Variants in CDC73 observed in about 807,000 individuals in gnomAD.
The protein encoded by CDC73 is parafibromin.
A neutral mutation model predicts 83.7 loss-of-function variants in CDC73; 21 were observed. The observed-to-expected ratio is 0.25, with a 90% confidence interval of 0.18 to 0.36. The LOEUF (loss-of-function observed/expected upper bound fraction) is 0.36, where lower values mean the gene tolerates loss of function less well. Among genes scored for constraint, CDC73 ranks in the 10% least tolerant of loss-of-function variants. The pLI is 1.00. For synonymous variants in CDC73, 224 were observed against 212.9 expected, an observed-to-expected ratio of 1.05 and a Z score of -0.45; for missense variants, 342 against 653.3, an observed-to-expected ratio of 0.52 and a Z score of 5.19.
chr1:193,176,557 A>T (rs1409919716), intron 10 of CDC73, among the ~76,000 whole-genome samples: 1 of 152,212 alleles, frequency 6.6e-6, no homozygotes, highest in South Asian at 2.1e-4. Flanking sequence ...TGGGTTTTCT[A>T]TCCCATTTTA....
At chr1:193,141,707 A>T in intron 6 of CDC73, 143 bp from the exon 7 acceptor site, 1 of 632,546 alleles carries the variant, frequency 1.6e-6, no homozygotes, top group Non-Finnish European at 2.8e-6. Context: ...ATTGCAGAAT[A>T]GCAAGTCAGT....
intron 13 of CDC73, among the ~76,000 whole-genome samples, chr1:193,230,563 T>A (rs1677646712): frequency 6.8e-6 from 1 of 146,436 alleles, no homozygotes; most frequent in Non-Finnish European, 1.5e-5. Context: ...TTGCCTGAGA[T>A]ACATATGAAA....
At chr1:193,145,679 G>A (rs1675987804) in intron 7 of CDC73, among the ~76,000 whole-genome samples, 2 of 152,074 alleles carry the variant, frequency 1.3e-5, no homozygotes, top group East Asian at 3.9e-4. Flanking sequence ...GCTCTTTGGG[G>A]TGCTCAGTAA....
chr1:193,194,959 G>C (rs1676977611), intron 10 of CDC73, among the ~76,000 whole-genome samples: 1 of 151,960 alleles, frequency 6.6e-6, no homozygotes, highest in African/African-American at 2.4e-5. Flanking sequence ...TATAGATTTA[G>C]TATATTAGTT....
At chr1:193,184,006 T>G (rs1189243886) in intron 10 of CDC73, among the ~76,000 whole-genome samples, 1 of 151,882 alleles carries the variant, frequency 6.6e-6, no homozygotes, top group Non-Finnish European at 1.5e-5. Context: ...TACCTGAAGA[T>G]GTCTCTAAAG....
intron 14 of CDC73, among the ~76,000 whole-genome samples, chr1:193,234,291 T>TATATATATA (rs1677719839): frequency 1.4e-5 from 2 of 138,644 alleles, no homozygotes; most frequent in Admixed American, 7.7e-5. Context: ...ATATACATAT[T>TATATATATA]ATATATATAA....
chr1:193,135,446 T>G lies in CDC73; in HGVS notation c.363T>G (p.Ser121=), dbSNP rs775574593. 6.2e-7 allele frequency: 1 copy of G among 1,613,316 alleles called. No individual in the cohort carries two copies. ...CCTTAGAAATAGGTCTTCAGCGATC[T>G]ACTCAAGGTATGTCTTGTTGCATAT... ...SAPLEIGLQR[S]TQVKRAADEV... Residue 121 remains serine, a synonymous_variant, in exon 4 of 17, where the codon TCT becomes TCG. Transcript: ENST00000367435.
intron 11 of CDC73, among the ~76,000 whole-genome samples, chr1:193,205,882 T>C (rs1450180053): frequency 6.6e-6 from 1 of 152,102 alleles, no homozygotes; most frequent in Non-Finnish European, 1.5e-5. Flanking sequence ...TATAGGAATA[T>C]TGTGGAGGCA....
chr1:193,155,804 T>G (rs1233346403), intron 10 of CDC73, among the ~76,000 whole-genome samples: 1 of 152,022 alleles, frequency 6.6e-6, no homozygotes, highest in Admixed American at 6.6e-5. Context: ...CCCACTAGAT[T>G]AAACAGATTT....
chr1:193,195,020 A>G (rs1330566813), intron 10 of CDC73, among the ~76,000 whole-genome samples: 1 of 152,170 alleles, frequency 6.6e-6, no homozygotes, highest in African/African-American at 2.4e-5. Context: ...AAGCACACAT[A>G]TGTATATATG....
chr1:193,171,345 A>G (rs890945807), intron 10 of CDC73, among the ~76,000 whole-genome samples: 4 of 152,168 alleles, frequency 2.6e-5, no homozygotes, highest in Non-Finnish European at 4.4e-5. Flanking sequence ...TGGCTTAGGG[A>G]GAGGCCTCCA....
chr1:193,225,170 G>A (rs1446088195), intron 13 of CDC73, among the ~76,000 whole-genome samples: 1 of 151,676 alleles, frequency 6.6e-6, no homozygotes, highest in Admixed American at 6.6e-5. Context: ...CACTTAGGCT[G>A]ATAGTCTCCA....
At position 193,192,914 on chromosome 1, in the gene CDC73, C is replaced by A. The variant is rs574831344; in HGVS notation, c.973-10881C>A. Among the ~76,000 whole-genome samples, 6 of 152,324 alleles carry A rather than the reference C, an allele frequency of 3.9e-5. No homozygotes were observed. In the South Asian group the frequency reaches 1.0e-3, roughly 26 times the overall value. The stretch of plus-strand genomic sequence containing the variant: ...GTAAACAAGCTCTTTAGATAAACTC[C>A]CTTACATTCCTTTTTACCTACTCTG... On this transcript the variant is annotated intron_variant, in intron 10 of 16. Transcript: ENST00000367435.
intron 10 of CDC73, among the ~76,000 whole-genome samples, chr1:193,158,097 A>G (rs1676238864): frequency 6.6e-6 from 1 of 151,082 alleles, no homozygotes; most frequent in Non-Finnish European, 1.5e-5. Flanking sequence ...TATATTTATT[A>G]ATATATGTAT....
chr1:193,156,842 T>C (rs140736891), intron 10 of CDC73, among the ~76,000 whole-genome samples: 192 of 152,242 alleles, frequency 1.3e-3, no homozygotes, highest in Non-Finnish European at 2.4e-3. Context: ...TAGCAAATAT[T>C]TGTTGAGTGC....
At chr1:193,181,217 G>C in intron 10 of CDC73, 3 of 1,614,022 alleles carry the variant, frequency 1.9e-6, no homozygotes, top group Non-Finnish European at 2.5e-6. Flanking sequence ...TTGGCACTAA[G>C]TGTATTCTCC....
chr1:193,136,796 T>A (rs1207369188), intron 5 of CDC73, among the ~76,000 whole-genome samples: 1 of 152,200 alleles, frequency 6.6e-6, no homozygotes. Context: ...TCAAGCATTC[T>A]GCCCACCTCG....
chr1:193,184,988 G>T (rs932002799), intron 10 of CDC73, among the ~76,000 whole-genome samples: 1 of 151,954 alleles, frequency 6.6e-6, no homozygotes, highest in African/African-American at 2.4e-5. Context: ...AAGTTCTTGA[G>T]CCCTGAGTTG....
chr1:193,131,601 T>A (rs1055965120), intron 3 of CDC73, among the ~76,000 whole-genome samples: 6 of 152,202 alleles, frequency 3.9e-5, no homozygotes, highest in African/African-American at 1.4e-4. Context: ...ATCTTGCCTC[T>A]GCCTAAATCT....
Sources: allele counts gnomAD v4.1 joint callset (sites outside exome capture counted in the v4.1 genomes callset), GRCh38; gene constraint gnomAD v4.1.1; transcripts MANE v1.5; gene names NCBI Gene and HGNC (gene_info 2026-07-23, HGNC 2026-07-21).